Variants in SLC16A7 observed in about 807,000 individuals in gnomAD.
SLC16A7 encodes the protein monocarboxylate transporter 2.
A neutral mutation model predicts 34.9 loss-of-function variants in SLC16A7; 33 were observed. The observed-to-expected ratio is 0.94, with a 90% CI of 0.72 to 1.26. The LOEUF is 1.26. SLC16A7 is among the 50% of genes most tolerant of loss of function. The pLI, the probability that SLC16A7 is intolerant of heterozygous loss-of-function variation, is 0.00. For synonymous variants in SLC16A7, 201 were observed against 206.6 expected, an observed-to-expected ratio of 0.97 and a Z score of 0.23; for missense variants, 573 against 578.1, an observed-to-expected ratio of 0.99 and a Z score of 0.09.
At chr12:59,707,602 T>C (rs1873738426) in intron 3 of SLC16A7, among the ~76,000 whole-genome samples, 1 of 152,094 alleles carries the variant, frequency 6.6e-6, no homozygotes, top group Non-Finnish European at 1.5e-5. Flanking sequence ...GTTAAAATAG[T>C]TATAAATTTG....
At chr12:59,617,294 C>G (rs1879496939) in intron 1 of SLC16A7, among the ~76,000 whole-genome samples, 1 of 151,782 alleles carries the variant, frequency 6.6e-6, no homozygotes, top group Non-Finnish European at 1.5e-5. Flanking sequence ...TCATAAAATC[C>G]TACTTGATAT....
At position 59,785,762 on chromosome 12, in the gene SLC16A7, T is replaced by C. The variant is rs1240747410; in HGVS notation, c.*6083T>C. On this transcript the variant is annotated 3_prime_UTR_variant, in exon 6 of 6. Coordinates refer to ENST00000547379, the MANE Select transcript of SLC16A7 (RefSeq NM_001270623.2). The stretch of plus-strand genomic sequence containing the variant: ...ATTTATTCACATTTCAGTAAATATT[T>C]TTCACATGATCAAACAGGATTTTTT... 6.6e-6 allele frequency: 1 copy of C among 152,140 alleles called. No homozygotes were observed. The highest frequency in any genetic ancestry group is 2.4e-5 in the African/African-American group (1 of 41,428). The allele number at this position is 152,140 out of a possible 1,614,324, so 9.4% of individuals were successfully genotyped here.
intron 2 of SLC16A7, among the ~76,000 whole-genome samples, chr12:59,688,161 T>A (rs1007746128): frequency 6.6e-6 from 1 of 152,062 alleles, no homozygotes; most frequent in Admixed American, 6.6e-5. Flanking sequence ...TTCCTCCTCT[T>A]CTTTTGATAA....
intron 1 of SLC16A7, among the ~76,000 whole-genome samples, chr12:59,610,558 CA>C (rs1239694034): frequency 1.3e-5 from 2 of 151,594 alleles, no homozygotes; most frequent in Non-Finnish European, 2.9e-5. Context: ...AATGACTACT[CA>C]AAAAAAACCT....
At chr12:59,671,811 ATATATATGTG>A (rs1193621772) in intron 2 of SLC16A7, among the ~76,000 whole-genome samples, 2 of 133,648 alleles carry the variant, frequency 1.5e-5, no homozygotes, top group Admixed American at 1.5e-4. Flanking sequence ...ATATATGTGT[ATATATATGTG>A]TATATGTATA....
In SLC16A7 at chr12:59,770,443, A is replaced by G. The variant is rs530774622; in HGVS notation, c.218-776A>G. Among the ~76,000 whole-genome samples the G allele has an allele frequency of 1.4e-4, 21 of 152,264 alleles. No individual in the cohort carries two copies. In the East Asian group the frequency reaches 3.9e-3, roughly 28 times the overall value. On this transcript the variant is annotated intron_variant, in intron 3 of 5. Coordinates refer to ENST00000547379, the MANE Select transcript of SLC16A7 (RefSeq NM_001270623.2). ...GTTGCTATTTACTCCACCTTACTAG[A>G]ACGTGTCAACAGAAGATTTTCCTGT...
chr12:59,713,015 T>TC (rs1187413660), intron 3 of SLC16A7, among the ~76,000 whole-genome samples: 43 of 152,122 alleles, frequency 2.8e-4, no homozygotes, highest in Non-Finnish European at 4.1e-4. Context: ...TCTTTTCTTT[T>TC]TTTTTCTTTT....
intron 3 of SLC16A7, among the ~76,000 whole-genome samples, chr12:59,753,644 C>G (rs1355113311): frequency 6.6e-6 from 1 of 151,926 alleles, no homozygotes; most frequent in Non-Finnish European, 1.5e-5. Flanking sequence ...TAGACTCCCA[C>G]ACATTAATAA....
Position 59,598,710 on chromosome 12 carries a change from G to A in SLC16A7, c.-130+2474G>A, listed in dbSNP as rs181968990. ...TTTCTTCATGTTATGAGGGCAGGAT[G>A]ATCCTTCTCTGAAGATTATCTTTGT... is the stretch of plus-strand genomic sequence containing the variant. On this transcript the variant is annotated intron_variant, in intron 1 of 5. Coordinates refer to ENST00000547379, the MANE Select transcript of SLC16A7 (RefSeq NM_001270623.2). Among the ~76,000 whole-genome samples the A allele has an allele frequency of 4.1e-4, 63 of 152,318 alleles. 1 individual carries two copies. The highest frequency in any genetic ancestry group is 1.5e-3 in the African/African-American group (61 of 41,576).
At chr12:59,717,986 G>A (rs1183435033) in intron 3 of SLC16A7, among the ~76,000 whole-genome samples, 1 of 152,106 alleles carries the variant, frequency 6.6e-6, no homozygotes, top group Non-Finnish European at 1.5e-5. Context: ...GGCAGTAATA[G>A]TGTCAGAAAA....
rs1160649575 is a variant in SLC16A7, at chr12:59,779,741, G to GT, written c.*69dup. On this transcript the variant is annotated 3_prime_UTR_variant, in exon 6 of 6. Transcript: ENST00000547379. ...TATCTAGGAGTTTGTTTTTCATTTT[G>GT]TTTTTTTAAAGTATTAGAAAAGGTT... 4.5e-4 allele frequency: 617 copies of GT among 1,384,316 alleles called. 1 individual carries two copies. Among genetic ancestry groups the GT allele is most frequent in the Non-Finnish European group, 5.6e-4 (570 of 1,021,990 alleles). 85.8% of individuals were successfully genotyped at this position (1,384,316 alleles called of 1,614,324 possible). A position where few individuals can be genotyped will look rare whatever the true frequency, so the allele number is the denominator to read the frequency against.
chr12:59,624,786 G>C (rs1170585510), intron 1 of SLC16A7, among the ~76,000 whole-genome samples: 2 of 151,282 alleles, frequency 1.3e-5, no homozygotes, highest in African/African-American at 4.9e-5. Context: ...ATCTATATGT[G>C]TGTGTACTAC....
chr12:59,679,034 G>A (rs1862016777), intron 2 of SLC16A7, among the ~76,000 whole-genome samples: 1 of 152,204 alleles, frequency 6.6e-6, no homozygotes, highest in Admixed American at 6.5e-5. Flanking sequence ...GGCAGCAGGA[G>A]CAGAGAGAAG....
At position 59,779,845 on chromosome 12, in the gene SLC16A7, A is replaced by ACTT; in HGVS notation, c.*167_*169dup. 1 of 560,840 alleles carries ACTT rather than the reference A, an allele frequency of 1.8e-6. No homozygotes were observed. Among genetic ancestry groups the ACTT allele is most frequent in the South Asian group, 2.4e-5 (1 of 42,164 alleles). 34.7% of individuals were successfully genotyped at this position (560,840 alleles called of 1,614,324 possible). ...GCAAATTTTAAATTAGTTTTTAAAA[A>ACTT]CTTACTTATTTGGGTAGTTAAATTT... On this transcript the variant is annotated 3_prime_UTR_variant, in exon 6 of 6. Transcript: ENST00000547379.
rs374973758 is a variant in SLC16A7 at position 59,690,143 on chromosome 12, T to G, written c.-30-14629T>G. Among the ~76,000 whole-genome samples, 4 of 152,024 alleles carry G rather than the reference T, an allele frequency of 2.6e-5. No homozygotes were observed. The East Asian group carries it at 7.7e-4, about 29-fold the overall frequency. The stretch of plus-strand genomic sequence containing the variant: ...CTCTTTTACTGTAGAGCCATATACG[T>G]AATTTCCCTAAGCCATGACTCTGGG... On this transcript the variant is annotated intron_variant, in intron 2 of 5. Coordinates refer to ENST00000547379, the MANE Select transcript of SLC16A7 (RefSeq NM_001270623.2).
chr12:59,726,099 G>A (rs1265155273), intron 3 of SLC16A7, among the ~76,000 whole-genome samples: 1 of 152,004 alleles, frequency 6.6e-6, no homozygotes, highest in Non-Finnish European at 1.5e-5. Context: ...TCTCAATCTC[G>A]TTTCTCCTCC....
chr12:59,775,311 G>A lies in SLC16A7; in HGVS notation c.1016G>A (p.Ser339Asn), dbSNP rs748261005. 1.2e-6 allele frequency: 2 copies of A among 1,614,146 alleles called. No homozygotes were observed. Among genetic ancestry groups the A allele is most frequent in the African/African-American group, 1.3e-5 (1 of 75,050 alleles). The change falls in exon 5 of 6, where the codon AGC becomes AAC. Residue 339 changes from serine to asparagine, a missense_variant. Ser to Asn is a conservative substitution (Grantham distance 46). Transcript: ENST00000547379. The part of the protein sequence containing the change: ...LLCPLAQDYT[S>N]LVLYAVFFGL... ...TGCCCACTGGCACAGGACTACACAA[G>A]CCTGGTATTATATGCTGTATTTTTT...
intron 2 of SLC16A7, among the ~76,000 whole-genome samples, chr12:59,686,103 T>TC (rs1366892705): frequency 6.7e-6 from 1 of 149,232 alleles, no homozygotes; most frequent in African/African-American, 2.4e-5. Flanking sequence ...TTCTTTTTTT[T>TC]TTTTTTTTTT....
In SLC16A7 at chr12:59,729,446, A is replaced by T. The variant is rs568950980; in HGVS notation, c.217+24428A>T. ...TCTCTCTCTTTATTCTGTCTTTATT[A>T]AATGCCTCATTCTAATTCCCAAATC... On this transcript the variant is annotated intron_variant, in intron 3 of 5. Transcript: ENST00000547379. Among the ~76,000 whole-genome samples the T allele has an allele frequency of 2.6e-5, 4 of 152,280 alleles. No homozygotes were observed. In the East Asian group the frequency reaches 7.7e-4, roughly 29 times the overall value.
Sources: gnomAD v4.1 joint callset for allele counts (sites outside exome capture counted in the v4.1 genomes callset) on GRCh38, gnomAD v4.1.1 for gene constraint, MANE v1.5 for transcripts, NCBI Gene and HGNC (gene_info 2026-07-23, HGNC 2026-07-21) for gene names.